HS6ST3: variants seen among roughly 807,000 people sequenced by gnomAD.
The protein encoded by HS6ST3 is heparan-sulfate 6-O-sulfotransferase 3.
A neutral mutation model predicts 36.7 loss-of-function variants in HS6ST3; 12 were observed. The ratio of observed to expected loss-of-function variants is 0.33; its 90% CI spans 0.21 to 0.53. The LOEUF (loss-of-function observed/expected upper bound fraction) is 0.53, where lower values mean the gene tolerates loss of function less well. HS6ST3 is among the 20% of genes least tolerant of loss of function. The pLI is 0.95. For synonymous variants in HS6ST3, 240 were observed against 257.5 expected, an observed-to-expected ratio of 0.93 and a Z score of 0.65; for missense variants, 584 against 640.9, an observed-to-expected ratio of 0.91 and a Z score of 0.96.
chr13:96,305,721 T>C (rs2054908937), intron 1 of HS6ST3, among the ~76,000 whole-genome samples: 1 of 152,208 alleles, frequency 6.6e-6, no homozygotes, highest in Non-Finnish European at 1.5e-5. Context: ...TTTACATGTG[T>C]CCCACAGTAA....
chr13:96,120,360 T>G (rs2053919492), intron 1 of HS6ST3, among the ~76,000 whole-genome samples: 1 of 152,218 alleles, frequency 6.6e-6, no homozygotes, highest in Non-Finnish European at 1.5e-5. Flanking sequence ...AAAGGGACTG[T>G]GCAGCTTTTG....
At chr13:96,370,133 T>C (rs2055282516) in intron 1 of HS6ST3, among the ~76,000 whole-genome samples, 1 of 152,170 alleles carries the variant, frequency 6.6e-6, no homozygotes, top group Non-Finnish European at 1.5e-5. Flanking sequence ...AACCCATGAC[T>C]GGTTGCCAGT....
In HS6ST3 at chr13:96,391,122, G is replaced by A. The variant is rs574319882; in HGVS notation, c.707+299553G>A. On this transcript the variant is annotated intron_variant, in intron 1 of 1. Coordinates refer to ENST00000376705, the MANE Select transcript of HS6ST3 (RefSeq NM_153456.4). ...TGATTCCTACTTTTCCTCCATCCCA[G>A]CTAGTCTGGCAAATACCTTCATCTT... 2.6e-5 allele frequency among the ~76,000 whole-genome samples: 4 copies of A among 152,168 alleles called. No homozygotes were observed. In the South Asian group the frequency reaches 6.2e-4, roughly 24 times the overall value.
chr13:96,211,608 T>C (rs2054399593), intron 1 of HS6ST3, among the ~76,000 whole-genome samples: 1 of 152,248 alleles, frequency 6.6e-6, no homozygotes, highest in Admixed American at 6.5e-5. Context: ...TATATTGTTT[T>C]CTATTATTGT....
chr13:96,195,629 G>A (rs2054308538), intron 1 of HS6ST3, among the ~76,000 whole-genome samples: 1 of 152,160 alleles, frequency 6.6e-6, no homozygotes, highest in Non-Finnish European at 1.5e-5. Flanking sequence ...AGGGTTATAA[G>A]GATGGGAGTG....
At chr13:96,774,362 G>C (rs1877340410) in intron 1 of HS6ST3, among the ~76,000 whole-genome samples, 1 of 152,234 alleles carries the variant, frequency 6.6e-6, no homozygotes, top group South Asian at 2.1e-4. Flanking sequence ...GCTTCAGAAG[G>C]TGGGTAATAA....
chr13:96,807,451 G>A (rs1048330116), intron 1 of HS6ST3, among the ~76,000 whole-genome samples: 2 of 152,140 alleles, frequency 1.3e-5, no homozygotes, highest in Non-Finnish European at 2.9e-5. Flanking sequence ...ATGAAAGGGG[G>A]AAATGTGGAC....
chr13:96,116,870 A>G (rs2139303372), intron 1 of HS6ST3, among the ~76,000 whole-genome samples: 1 of 152,260 alleles, frequency 6.6e-6, no homozygotes, highest in South Asian at 2.1e-4. Context: ...GCTCAGGGAA[A>G]CTCGAAGTAG....
At chr13:96,825,155 A>G (rs999106009) in intron 1 of HS6ST3, among the ~76,000 whole-genome samples, 1 of 152,106 alleles carries the variant, frequency 6.6e-6, no homozygotes, top group Non-Finnish European at 1.5e-5. Context: ...TTGCTTTATG[A>G]GGGTTAAGCT....
intron 1 of HS6ST3, among the ~76,000 whole-genome samples, chr13:96,464,138 C>CAAAAAAAAAAAAAAAAAAA (rs67305199): frequency 0.013 from 498 of 38,774 alleles, 119 homozygotes; most frequent in Non-Finnish European, 0.021. Flanking sequence ...TGTCAGGCCT[C>CAAAAAAAAAAAAAAAAAAA]AAAAAAAAAA....
chr13:96,301,943 A>AATT (rs1555296619), intron 1 of HS6ST3, among the ~76,000 whole-genome samples: 6 of 144,706 alleles, frequency 4.1e-5, no homozygotes, highest in Admixed American at 7.0e-5. Context: ...TAATAATAAT[A>AATT]ATTTCTAAAA....
intron 1 of HS6ST3, among the ~76,000 whole-genome samples, chr13:96,163,349 C>T (rs2054145807): frequency 6.6e-6 from 1 of 151,060 alleles, no homozygotes; most frequent in South Asian, 2.1e-4. Context: ...CCTGCCTTAG[C>T]CTCCTGAGTA....
chr13:96,276,043 A>G (rs924185723), intron 1 of HS6ST3, among the ~76,000 whole-genome samples: 3 of 151,980 alleles, frequency 2.0e-5, no homozygotes, highest in African/African-American at 7.2e-5. Flanking sequence ...TGCCTCTCCC[A>G]TATGCCTTAC....
intron 1 of HS6ST3, among the ~76,000 whole-genome samples, chr13:96,403,342 G>T (rs1298341135): frequency 6.6e-6 from 1 of 152,164 alleles, no homozygotes; most frequent in Non-Finnish European, 1.5e-5. Flanking sequence ...CTGGAAGGAA[G>T]TCACTGCCAA....
intron 1 of HS6ST3, among the ~76,000 whole-genome samples, chr13:96,818,687 G>A (rs1878472453): frequency 6.6e-6 from 1 of 152,242 alleles, no homozygotes; most frequent in Non-Finnish European, 1.5e-5. Context: ...TTGGGAGTGA[G>A]AGAGGAGACT....
chr13:96,210,294 G>A (rs1033000003), intron 1 of HS6ST3, among the ~76,000 whole-genome samples: 15 of 152,118 alleles, frequency 9.9e-5, no homozygotes, highest in African/African-American at 3.1e-4. Flanking sequence ...AACATTGAAC[G>A]GTCCTGCACC....
intron 1 of HS6ST3, among the ~76,000 whole-genome samples, chr13:96,320,148 C>T (rs1000781460): frequency 1.3e-5 from 2 of 152,194 alleles, no homozygotes; most frequent in Non-Finnish European, 2.9e-5. Context: ...GCAGCTTCAT[C>T]TGGAATTCTC....
chr13:96,621,757 C>T (rs1038234544), intron 1 of HS6ST3, among the ~76,000 whole-genome samples: 1 of 152,112 alleles, frequency 6.6e-6, no homozygotes, highest in Admixed American at 6.5e-5. Flanking sequence ...GTTTGATTTG[C>T]CTTACCTCAT....
chr13:96,757,088 A>G (rs774954433), intron 1 of HS6ST3, among the ~76,000 whole-genome samples: 3 of 152,196 alleles, frequency 2.0e-5, no homozygotes, highest in Non-Finnish European at 4.4e-5. Flanking sequence ...TGATGGTGGC[A>G]TTCCTTTCTT....
Sources: allele counts gnomAD v4.1 joint callset (sites outside exome capture counted in the v4.1 genomes callset), GRCh38; gene constraint gnomAD v4.1.1; transcripts MANE v1.5; gene names NCBI Gene and HGNC (gene_info 2026-07-23, HGNC 2026-07-21).